Variants in FBXO41 observed in about 807,000 individuals in gnomAD.
The protein encoded by FBXO41 is F-box protein 41, also known as F-box only protein 41.
In FBXO41, 33 loss-of-function variants were observed where a neutral mutation model predicts 81.6. The ratio of observed to expected loss-of-function variants is 0.40; its 90% CI spans 0.31 to 0.54. The LOEUF (loss-of-function observed/expected upper bound fraction) is 0.54. Ranked by LOEUF, FBXO41 falls within the 20% of genes least tolerant of loss-of-function variation. The pLI, the probability that FBXO41 is intolerant of heterozygous loss-of-function variation, is 0.39. For synonymous variants in FBXO41, 576 were observed against 552.7 expected, an observed-to-expected ratio of 1.04 and a Z score of -0.59; for missense variants, 1,107 against 1,236.0, an observed-to-expected ratio of 0.90 and a Z score of 1.56.
In FBXO41 at chr2:73,257,932, C is replaced by G. The variant is rs1346717875; in HGVS notation, c.*1050G>C. On this transcript the variant is annotated 3_prime_UTR_variant, in exon 13 of 13. Coordinates refer to ENST00000520530, the MANE Select transcript of FBXO41 (RefSeq NM_001371389.2). The surrounding 1 kb of genome is among the most constrained non-coding windows in gnomAD (Gnocchi z 4.6). Reference sequence around the variant, plus strand: ...TGGGTCTGGCTCCCTGCCAAGGCCACATCTTCAAGCAAGCTAATTAGACAA... The same window carrying G: ...TGGGTCTGGCTCCCTGCCAAGGCCAGATCTTCAAGCAAGCTAATTAGACAA... The G allele has an allele frequency of 6.6e-6, 1 of 152,320 alleles. No homozygotes were observed. Among genetic ancestry groups the G allele is most frequent in the Non-Finnish European group, 1.5e-5 (1 of 68,146 alleles). The allele number at this position is 152,320 out of a possible 1,614,324, so 9.4% of individuals were successfully genotyped here. A position where few individuals can be genotyped will look rare whatever the true frequency, so the allele number is the denominator to read the frequency against.
intron 1 of FBXO41, among the ~76,000 whole-genome samples, chr2:73,282,472 G>A (rs1322767860): frequency 6.6e-6 from 1 of 152,198 alleles, no homozygotes; most frequent in Non-Finnish European, 1.5e-5. Context: ...TCAGGAGGCT[G>A]AGGCAGGAGG....
intron 9 of FBXO41, among the ~76,000 whole-genome samples, chr2:73,261,952 G>A (rs1368755564): frequency 6.7e-6 from 1 of 149,922 alleles, no homozygotes; most frequent in East Asian, 2.0e-4. Flanking sequence ...GCTGGGCGCG[G>A]TGGCTTATGC....
chr2:73,258,377 C>G lies in FBXO41; in HGVS notation c.*605G>C, dbSNP rs1558577476. ...TGTTTCCTTTCCAAACCCACCCCCA[C>G]TACCCCACTGTACTGCTGCCCCCAG... is the stretch of plus-strand genomic sequence containing the variant. On this transcript the variant is annotated 3_prime_UTR_variant, in exon 13 of 13. Coordinates refer to ENST00000520530, the MANE Select transcript of FBXO41 (RefSeq NM_001371389.2). The G allele has an allele frequency of 6.6e-6, 1 of 152,352 alleles. No homozygotes were observed. The highest frequency in any genetic ancestry group is 1.5e-5 in the Non-Finnish European group (1 of 68,158). The allele number at this position is 152,352 out of a possible 1,614,324, so 9.4% of individuals were successfully genotyped here.
At position 73,265,555 on chromosome 2, in the gene FBXO41, C is replaced by A; in HGVS notation, c.1291G>T (p.Ala431Ser). The A allele has an allele frequency of 6.3e-7, 1 of 1,581,066 alleles. No individual in the cohort carries two copies. The highest frequency in any genetic ancestry group is 8.6e-7 in the Non-Finnish European group (1 of 1,165,036). ...CCCCCAGGGCCACTGTCCTCAGGGG[C>A]CCCCTCCTCTGGCCTGGGCAGCTCC... ...SLELPRPEEG[A>S]PEDSGPGGLG... Residue 431 changes from alanine to serine, a missense_variant, in exon 5 of 13, where the codon GCC (alanine) becomes TCC (serine). Ala to Ser is a moderately conservative substitution (Grantham distance 99). Transcript: ENST00000520530.
At chr2:73,274,725 AT>A (rs60939012) in intron 1 of FBXO41, among the ~76,000 whole-genome samples, 11 of 150,786 alleles carry the variant, frequency 7.3e-5, no homozygotes, top group Admixed American at 5.9e-4. Context: ...TTCCTTTTGG[AT>A]TTTTTTTTGT....
At chr2:73,261,993 C>A (rs754064300) in intron 9 of FBXO41, among the ~76,000 whole-genome samples, 1 of 152,074 alleles carries the variant, frequency 6.6e-6, no homozygotes, top group African/African-American at 2.4e-5. Context: ...GAGGCCGAGG[C>A]GGGCAGATCA....
chr2:73,269,485 T>C lies in FBXO41; in HGVS notation c.146A>G (p.Asp49Gly). 2.3e-6 allele frequency: 3 copies of C among 1,290,540 alleles called. No individual in the cohort carries two copies. The highest frequency in any genetic ancestry group is 3.9e-5 in the East Asian group (1 of 25,960). 79.9% of individuals were successfully genotyped at this position (1,290,540 alleles called of 1,614,324 possible). Residue 49 changes from aspartate to glycine, a missense_variant, in exon 2 of 13, where the codon GAC (aspartate) becomes GGC (glycine). Asp to Gly is a moderately conservative substitution (Grantham distance 94, BLOSUM62 -1). Transcript: ENST00000520530. The surrounding 1 kb of genome is among the most constrained non-coding windows in gnomAD (Gnocchi z 7.0). The part of the protein sequence containing the change: ...YILSKTNSIC[D>G]GAAAAAAAAA... ...GGCGGCCGCGGCGGCGGCGGCGCCG[T>C]CGCAGATGCTGTTGGTCTTGGAGAG...
chr2:73,280,079 A>G (rs1278804364), intron 1 of FBXO41, among the ~76,000 whole-genome samples: 1 of 151,764 alleles, frequency 6.6e-6, no homozygotes, highest in Non-Finnish European at 1.5e-5. Context: ...ACCAATACCC[A>G]TGTTATATAC....
chr2:73,263,426 T>C, intron 8 of FBXO41, 118 bp from the exon 9 acceptor site: 1 of 819,140 alleles, frequency 1.2e-6, no homozygotes, highest in Non-Finnish European at 1.9e-6. Context: ...CCAGACTAGC[T>C]TGGGCAATAC....
intron 4 of FBXO41, 114 bp downstream of exon 4, chr2:73,265,779 C>T (rs1304449652): frequency 2.8e-6 from 4 of 1,438,244 alleles, no homozygotes; most frequent in African/African-American, 2.8e-5. Flanking sequence ...GAAAGGCAGA[C>T]ATACGTGACC....
chr2:73,263,000 C>T (rs1305258072), intron 9 of FBXO41, among the ~76,000 whole-genome samples: 1 of 152,226 alleles, frequency 6.6e-6, no homozygotes, highest in African/African-American at 2.4e-5. Context: ...CCGACTCAGC[C>T]TCTCAAAGTG....
chr2:73,260,926 T>C lies in FBXO41; in HGVS notation c.2172-68A>G. ...GCTTGATAACCCAGCATGCTCCTCC[T>C]GTGGGACCCCTCCCTGACTCAGGCA... On this transcript the variant is annotated intron_variant, in intron 9 of 12. Coordinates refer to ENST00000520530, the MANE Select transcript of FBXO41 (RefSeq NM_001371389.2). This position sits in a 1 kb window ranked among gnomAD's most constrained non-coding sequence, Gnocchi z 5.0. 1 of 1,319,742 alleles carries C rather than the reference T, an allele frequency of 7.6e-7. No homozygotes were observed. The highest frequency in any genetic ancestry group is 2.5e-5 in the East Asian group (1 of 39,440). 81.8% of individuals were successfully genotyped at this position (1,319,742 alleles called of 1,614,324 possible).
rs554756290 is a variant in FBXO41 at position 73,255,806 on chromosome 2, CTTTT to C, written c.*3172_*3175del. The C allele has an allele frequency of 2.6e-5, 4 of 152,244 alleles. No homozygotes were observed. The highest frequency in any genetic ancestry group is 4.8e-5 in the African/African-American group (2 of 41,358). The allele number at this position is 152,244 out of a possible 1,614,324, so 9.4% of individuals were successfully genotyped here. A position where few individuals can be genotyped will look rare whatever the true frequency, so the allele number is the denominator to read the frequency against. On this transcript the variant is annotated 3_prime_UTR_variant, in exon 13 of 13. Transcript: ENST00000520530. ...GAGTAGCAGGCCTTGGGAAGGAGGA[CTTTT>C]TTTTGTTTTTCTCTTTTGAGGCAAT...
At position 73,266,042 on chromosome 2, in the gene FBXO41, CAG is replaced by C. The variant is rs1688261869; in HGVS notation, c.1132-78_1132-77del. 6.7e-6 allele frequency: 9 copies of C among 1,338,746 alleles called. No homozygotes were observed. Among genetic ancestry groups the C allele is most frequent in the Admixed American group, 4.0e-5 (2 of 49,738 alleles). 82.9% of individuals were successfully genotyped at this position (1,338,746 alleles called of 1,614,324 possible). On this transcript the variant is annotated intron_variant, in intron 3 of 12. Transcript: ENST00000520530. This position sits in a 1 kb window ranked among gnomAD's most constrained non-coding sequence, Gnocchi z 5.3. Reference sequence around the variant, plus strand: ...GGATGAGCAGGAATAGCAGGGGAAACAGGGCAAAAGATGGAGAGGAGATGGGG... The same window carrying C: ...GGATGAGCAGGAATAGCAGGGGAAACGGCAAAAGATGGAGAGGAGATGGGG...
chr2:73,265,489 G>T lies in FBXO41; in HGVS notation c.1357C>A (p.Arg453=), dbSNP rs374994006. 5 of 1,598,390 alleles carry T rather than the reference G, an allele frequency of 3.1e-6. No homozygotes were observed. The South Asian group carries it at 4.5e-5, about 14-fold the overall frequency. ...CCTGAGCTGCGAGGGGGCTGGGACC[G>T]CTCTGAGCCCCCGTTGGCAGCCTGG... is the stretch of plus-strand genomic sequence containing the variant. The part of the protein sequence containing the change: ...RAQAANGGSE[R]SQPPRSSGLR... Residue 453 remains arginine, a synonymous_variant, in exon 5 of 13, where the codon CGG becomes AGG. Coordinates refer to ENST00000520530, the MANE Select transcript of FBXO41 (RefSeq NM_001371389.2).
At chr2:73,267,726 G>A (rs1275217514) in intron 2 of FBXO41, among the ~76,000 whole-genome samples, 2 of 152,186 alleles carry the variant, frequency 1.3e-5, no homozygotes, top group Non-Finnish European at 1.5e-5. Flanking sequence ...TTAACCTACT[G>A]AACATCAGTG....
At position 73,259,166 on chromosome 2, in the gene FBXO41, G is replaced by C. The variant is rs1264127121; in HGVS notation, c.2565+15C>G. ...CCACTTGGGGTCTTGGACAGCCTCA[G>C]AGCTGACCCCTCACCTGGAGTTTTG... On this transcript the variant is annotated intron_variant, in intron 12 of 12. Transcript: ENST00000520530. The surrounding 1 kb of genome is among the most constrained non-coding windows in gnomAD (Gnocchi z 4.2). 5.0e-6 allele frequency: 8 copies of C among 1,613,518 alleles called. No individual in the cohort carries two copies. Among genetic ancestry groups the C allele is most frequent in the Non-Finnish European group, 5.9e-6 (7 of 1,179,536 alleles).
chr2:73,279,424 C>T (rs1688786642), intron 1 of FBXO41, among the ~76,000 whole-genome samples: 1 of 152,004 alleles, frequency 6.6e-6, no homozygotes, highest in Admixed American at 6.6e-5. Flanking sequence ...ATGAGCAAGT[C>T]CAAGGGAGAG....
intron 1 of FBXO41, among the ~76,000 whole-genome samples, chr2:73,281,837 A>G (rs1249531199): frequency 6.6e-6 from 1 of 152,202 alleles, no homozygotes; most frequent in Non-Finnish European, 1.5e-5. Context: ...GTTACAACCT[A>G]ATGAATAACT....
Sources: gnomAD v4.1 joint callset for allele counts (sites outside exome capture counted in the v4.1 genomes callset) on GRCh38, gnomAD v4.1.1 for gene constraint, Gnocchi (gnomAD v3.1) non-coding constraint, MANE v1.5 for transcripts, NCBI Gene and HGNC (gene_info 2026-07-23, HGNC 2026-07-21) for gene names.